NCAM2: variants seen among roughly 807,000 people sequenced by gnomAD.
NCAM2 encodes the protein N-CAM-2.
NCAM2 carries 30 observed loss-of-function variants against 98.1 expected under a neutral mutation model. The observed-to-expected ratio is 0.31, with a 90% CI of 0.23 to 0.41. NCAM2 has a LOEUF of 0.41. NCAM2 is among the 10% of genes least tolerant of loss of function. NCAM2 has a pLI of 1.00. For missense variants in NCAM2, 867 were observed against 1,005.8 expected (o/e 0.86, Z 1.87); for synonymous variants, 368 against 342.4 (o/e 1.07, Z -0.83).
chr21:21,020,866 C>T (rs1180547265), intron 1 of NCAM2, among the ~76,000 whole-genome samples: 2 of 152,188 alleles, frequency 1.3e-5, no homozygotes, highest in African/African-American at 4.8e-5. Flanking sequence ...GCCTAGTAGA[C>T]TTCCCTATCT....
At chr21:21,243,538 A>G (rs1381596684) in intron 1 of NCAM2, among the ~76,000 whole-genome samples, 1 of 152,196 alleles carries the variant, frequency 6.6e-6, no homozygotes, top group African/African-American at 2.4e-5. Flanking sequence ...GAAGCCTTCA[A>G]AGCTGTTGCC....
At chr21:21,160,510 T>C (rs138498874) in intron 1 of NCAM2, among the ~76,000 whole-genome samples, 1 of 152,110 alleles carries the variant, frequency 6.6e-6, no homozygotes, top group East Asian at 1.9e-4. Context: ...CAATATTTTC[T>C]AAAATCTTTA....
intron 12 of NCAM2, among the ~76,000 whole-genome samples, chr21:21,434,892 T>C (rs1569060508): frequency 6.6e-6 from 1 of 152,190 alleles, no homozygotes; most frequent in Non-Finnish European, 1.5e-5. Flanking sequence ...ATACCTCATG[T>C]TTCTGGTGCT....
chr21:21,224,357 A>G lies in NCAM2; in HGVS notation c.56-56221A>G, dbSNP rs1490960857. Among the ~76,000 whole-genome samples, 6 of 152,278 alleles carry G rather than the reference A, an allele frequency of 3.9e-5. No homozygotes were observed. The East Asian group carries it at 7.7e-4, about 20-fold the overall frequency. Reference sequence around the variant, plus strand: ...AAGATGTTTTTGTTTTATCCTAAATATACAGAATGTTTAAAGATAACCCAG... The same window carrying G: ...AAGATGTTTTTGTTTTATCCTAAATGTACAGAATGTTTAAAGATAACCCAG... On this transcript the variant is annotated intron_variant, in intron 1 of 17. Transcript: ENST00000400546.
intron 1 of NCAM2, among the ~76,000 whole-genome samples, chr21:21,211,489 G>T (rs1261772141): frequency 6.6e-6 from 1 of 152,090 alleles, no homozygotes; most frequent in African/African-American, 2.4e-5. Context: ...AACCGCAGTT[G>T]CACTTTTTAC....
In NCAM2 at chr21:21,104,382, A is replaced by G. The variant is rs367893275; in HGVS notation, c.55+105764A>G. 2.1e-4 allele frequency among the ~76,000 whole-genome samples: 32 copies of G among 152,310 alleles called. 1 individual carries two copies. In the East Asian group the frequency reaches 5.0e-3, roughly 24 times the overall value. ...GAAGTATTTGCCATACATGTTTTAA[A>G]AAGGTTTTCTAGTACCTATTTTTTT... On this transcript the variant is annotated intron_variant, in intron 1 of 17. Coordinates refer to ENST00000400546, the MANE Select transcript of NCAM2 (RefSeq NM_004540.5).
At chr21:21,267,099 G>GA (rs1219611952) in intron 1 of NCAM2, among the ~76,000 whole-genome samples, 3 of 152,088 alleles carry the variant, frequency 2.0e-5, no homozygotes, top group Non-Finnish European at 2.9e-5. Context: ...AAGCAGTTGG[G>GA]AAAAGAGTCA....
intron 16 of NCAM2, among the ~76,000 whole-genome samples, chr21:21,530,679 C>T (rs1242245735): frequency 6.6e-6 from 1 of 151,808 alleles, no homozygotes; most frequent in African/African-American, 2.4e-5. Context: ...ATCTCTTCCT[C>T]ATTCTTTTCA....
intron 15 of NCAM2, among the ~76,000 whole-genome samples, chr21:21,503,838 C>T (rs999728087): frequency 1.3e-5 from 2 of 151,750 alleles, no homozygotes; most frequent in East Asian, 1.9e-4. Flanking sequence ...AAAATATAAA[C>T]CAAATATATT....
At chr21:21,247,087 A>G (rs2071301579) in intron 1 of NCAM2, among the ~76,000 whole-genome samples, 1 of 151,910 alleles carries the variant, frequency 6.6e-6, no homozygotes, top group African/African-American at 2.4e-5. Context: ...TGGGAGGCTG[A>G]GGCGGGCGGA....
chr21:21,312,630 T>A (rs896247270), intron 5 of NCAM2, among the ~76,000 whole-genome samples: 3 of 76,670 alleles, frequency 3.9e-5, no homozygotes, highest in African/African-American at 1.5e-4. Flanking sequence ...TTTTTCTAAT[T>A]TTTTAATAAA....
intron 1 of NCAM2, among the ~76,000 whole-genome samples, chr21:21,059,864 C>T (rs2065286716): frequency 6.6e-6 from 1 of 152,010 alleles, no homozygotes; most frequent in African/African-American, 2.4e-5. Context: ...CCTCCACCCT[C>T]AACGAAGTGC....
intron 9 of NCAM2, chr21:21,385,680 T>G: frequency 7.8e-7 from 1 of 1,282,200 alleles, no homozygotes; most frequent in Middle Eastern, 2.2e-4. Flanking sequence ...AAGCAGGAAT[T>G]GAACTAAACT....
chr21:21,112,739 A>G (rs114183821), intron 1 of NCAM2, among the ~76,000 whole-genome samples: 2,254 of 152,298 alleles, frequency 0.015, 61 homozygotes, highest in African/African-American at 0.052. Flanking sequence ...GCAGATCATA[A>G]AGAATGCCCC....
intron 8 of NCAM2, among the ~76,000 whole-genome samples, chr21:21,365,799 A>G (rs745760342): frequency 1.6e-4 from 25 of 152,152 alleles, no homozygotes; most frequent in Admixed American, 4.6e-4. Context: ...GGACGGGATT[A>G]GTAGCATAGT....
At chr21:21,333,173 A>G (rs903040992) in intron 6 of NCAM2, among the ~76,000 whole-genome samples, 3 of 152,096 alleles carry the variant, frequency 2.0e-5, no homozygotes, top group Admixed American at 6.5e-5. Flanking sequence ...AGGGAGTAAT[A>G]AGGTATTTAT....
intron 12 of NCAM2, 148 bp downstream of exon 12, chr21:21,432,429 A>C: frequency 1.4e-6 from 1 of 692,440 alleles, no homozygotes; most frequent in Admixed American, 2.9e-5. Context: ...ATTCTTCTTG[A>C]TAATAACTCG....
chr21:21,299,565 C>G (rs993132561), intron 5 of NCAM2, among the ~76,000 whole-genome samples: 7 of 151,478 alleles, frequency 4.6e-5, no homozygotes, highest in African/African-American at 1.7e-4. Context: ...ATGTGATTCT[C>G]TCTCTCTCTC....
At chr21:21,376,707 A>G (rs547554682) in intron 9 of NCAM2, among the ~76,000 whole-genome samples, 1 of 151,960 alleles carries the variant, frequency 6.6e-6, no homozygotes, top group African/African-American at 2.4e-5. Context: ...GATTTCTAAC[A>G]AAGTACAAGT....
Sources: allele counts gnomAD v4.1 joint callset (sites outside exome capture counted in the v4.1 genomes callset), GRCh38; gene constraint gnomAD v4.1.1; transcripts MANE v1.5; gene names NCBI Gene and HGNC (gene_info 2026-07-23, HGNC 2026-07-21).